The following NACC2 variants were observed in gnomAD, a reference collection of about 807,000 sequenced individuals.
The protein encoded by NACC2 is nucleus accumbens-associated protein 2.
A neutral mutation model predicts 25.1 loss-of-function variants in NACC2; 8 were observed. The ratio of observed to expected loss-of-function variants is 0.32; its 90% CI spans 0.19 to 0.57. The LOEUF (loss-of-function observed/expected upper bound fraction) is 0.57, where lower values mean the gene tolerates loss of function less well. Ranked by LOEUF, NACC2 falls within the 20% of genes least tolerant of loss-of-function variation. The pLI is 0.89. For missense variants in NACC2, 644 were observed against 650.2 expected, an observed-to-expected ratio of 0.99 and a Z score of 0.10; for synonymous variants, 435 against 294.7, an observed-to-expected ratio of 1.48 and a Z score of -4.88.
rs575894057 is a variant in NACC2 at position 136,018,100 on chromosome 9, C to T, written c.887-1671G>A. On this transcript the variant is annotated intron_variant, in intron 2 of 5. Coordinates refer to ENST00000277554, the MANE Select transcript of NACC2 (RefSeq NM_144653.5). The surrounding 1 kb of genome is among the most constrained non-coding windows in gnomAD (Gnocchi z 4.4). ...GGGTGGAACCTGCACGTCCAGCAGG[C>T]TCGGGGCAGGCAGCTCCATGCAGAG... 6.6e-6 allele frequency among the ~76,000 whole-genome samples: 1 copy of T among 152,284 alleles called. No individual in the cohort carries two copies. Among genetic ancestry groups the T allele is most frequent in the Non-Finnish European group, 1.5e-5 (1 of 67,994 alleles).
intron 3 of NACC2, among the ~76,000 whole-genome samples, chr9:136,014,550 A>G (rs1840169691): frequency 6.6e-6 from 1 of 152,108 alleles, no homozygotes; most frequent in Non-Finnish European, 1.5e-5. Flanking sequence ...CGGCCTCCCA[A>G]AGTGCTGGGA....
chr9:136,063,462 C>G (rs966181033), intron 1 of NACC2, among the ~76,000 whole-genome samples: 1 of 152,200 alleles, frequency 6.6e-6, no homozygotes, highest in Non-Finnish European at 1.5e-5. Flanking sequence ...TCCAGATTTA[C>G]GTTTGACCTG....
Position 136,055,547 on chromosome 9 carries a change from A to G in NACC2, c.-59-4967T>C, listed in dbSNP as rs1290132353. The stretch of plus-strand genomic sequence containing the variant: ...CAGAAACCCTGCCCCCTCCACCCCT[A>G]GATTGTAAAGCACTTTCTAAGCCCA... On this transcript the variant is annotated intron_variant, in intron 1 of 5. Coordinates refer to ENST00000277554, the MANE Select transcript of NACC2 (RefSeq NM_144653.5). This position sits in a 1 kb window ranked among gnomAD's most constrained non-coding sequence, Gnocchi z 4.9. Among the ~76,000 whole-genome samples the G allele has an allele frequency of 3.3e-5, 5 of 152,176 alleles. No homozygotes were observed. In the East Asian group the frequency reaches 9.6e-4, roughly 29 times the overall value.
At chr9:136,033,896 T>TA (rs1840512311) in intron 2 of NACC2, among the ~76,000 whole-genome samples, 3 of 19,308 alleles carry the variant, frequency 1.6e-4, no homozygotes, top group Non-Finnish European at 2.5e-4. Context: ...TTCCAGCAGG[T>TA]GTGTGTGTGT....
intron 2 of NACC2, among the ~76,000 whole-genome samples, 154 bp downstream of exon 2, chr9:136,049,482 T>C (rs1259820082): frequency 6.6e-5 from 10 of 152,134 alleles, no homozygotes; most frequent in East Asian, 3.9e-4. Flanking sequence ...CTGAACCCCA[T>C]GGTGAACAGA....
In NACC2 at chr9:136,049,649, G is replaced by A. The variant is rs1051314989; in HGVS notation, c.873C>T (p.Ser291=). ...EQYGQMYIKA[S]GSYAVQEKPE... ...CCGCCGCGTTACCTGCATAGCTGCC[G>A]GAGGCCTTGATGTACATCTGGCCGT... The change falls in exon 2 of 6, where the codon TCC becomes TCT. Residue 291 remains serine, a synonymous_variant. Transcript: ENST00000277554. 32 of 777,130 alleles carry A rather than the reference G, an allele frequency of 4.1e-5. No individual in the cohort carries two copies. Among genetic ancestry groups the A allele is most frequent in the African/African-American group, 3.4e-4 (20 of 58,800 alleles). The allele number at this position is 777,130 out of a possible 1,614,324, so 48.1% of individuals were successfully genotyped here. A position where few individuals can be genotyped will look rare whatever the true frequency, so the allele number is the denominator to read the frequency against.
In NACC2 at chr9:136,011,603, A is replaced by G. The variant is rs1200978698; in HGVS notation, c.1677T>C (p.Phe559=). 2 of 1,429,054 alleles carry G rather than the reference A, an allele frequency of 1.4e-6. No individual in the cohort carries two copies. Among genetic ancestry groups the G allele is most frequent in the Non-Finnish European group, 1.8e-6 (2 of 1,099,350 alleles). The allele number at this position is 1,429,054 out of a possible 1,614,324, so 88.5% of individuals were successfully genotyped here. A position where few individuals can be genotyped will look rare whatever the true frequency, so the allele number is the denominator to read the frequency against. Residue 559 remains phenylalanine, a synonymous_variant, in exon 6 of 6, where the codon TTT becomes TTC. Coordinates refer to ENST00000277554, the MANE Select transcript of NACC2 (RefSeq NM_144653.5). ...PADGQSPPQP[F]EQGGGGPSRP... ...TGCTGGGGCCGCCCCCGCCCTGCTCAAAGGGCTGTGGGGGGCTCTGGCCAT... is the reference window on the plus strand; with the variant it reads ...TGCTGGGGCCGCCCCCGCCCTGCTCGAAGGGCTGTGGGGGGCTCTGGCCAT...
Position 136,018,140 on chromosome 9 carries a change from C to T in NACC2, c.887-1711G>A, listed in dbSNP as rs1840230665. On this transcript the variant is annotated intron_variant, in intron 2 of 5. Coordinates refer to ENST00000277554, the MANE Select transcript of NACC2 (RefSeq NM_144653.5). The surrounding 1 kb of genome is among the most constrained non-coding windows in gnomAD (Gnocchi z 4.4). ...TCCATGCAGAGCCCACCTGCGGCCG[C>T]ACCGCACCAGGACGCTCAGAGGCAG... Among the ~76,000 whole-genome samples, 1 of 152,142 alleles carries T rather than the reference C, an allele frequency of 6.6e-6. No individual in the cohort carries two copies. The highest frequency in any genetic ancestry group is 1.5e-5 in the Non-Finnish European group (1 of 67,992).
chr9:136,089,985 CA>C (rs11442793), intron 1 of NACC2, among the ~76,000 whole-genome samples: 2,659 of 139,224 alleles, frequency 0.019, 25 homozygotes, highest in Non-Finnish European at 0.028. Context: ...GATTTATATC[CA>C]AAAAAAAAAA....
chr9:136,078,645 C>T (rs897022405), intron 1 of NACC2, among the ~76,000 whole-genome samples: 3 of 152,198 alleles, frequency 2.0e-5, no homozygotes, highest in Admixed American at 6.5e-5. Context: ...AGCCCAGCCC[C>T]GACATCGGGA....
chr9:136,069,870 A>T (rs972832232), intron 1 of NACC2, among the ~76,000 whole-genome samples: 1 of 151,902 alleles, frequency 6.6e-6, no homozygotes, highest in African/African-American at 2.4e-5. Context: ...TCTAGTAGAG[A>T]CTTCAACAGC....
At chr9:136,012,881 A>G (rs909676409) in intron 5 of NACC2, among the ~76,000 whole-genome samples, 1 of 152,242 alleles carries the variant, frequency 6.6e-6, no homozygotes, top group Admixed American at 6.5e-5. Context: ...AACAGATGGC[A>G]AAGGCTCAAA....
chr9:136,016,550 C>G (rs1840206597), intron 2 of NACC2, 121 bp from the exon 3 acceptor site: 1 of 1,140,894 alleles, frequency 8.8e-7, no homozygotes, highest in Non-Finnish European at 1.2e-6. Context: ...CCACCTGGGC[C>G]CAGGTGAGGC....
chr9:136,087,473 G>C (rs1374278382), intron 1 of NACC2, among the ~76,000 whole-genome samples: 2 of 152,204 alleles, frequency 1.3e-5, no homozygotes, highest in African/African-American at 2.4e-5. Flanking sequence ...AGCGGCATTC[G>C]CAGGGGTCGG....
intron 2 of NACC2, 118 bp downstream of exon 2, chr9:136,049,518 T>TG (rs1320268255): frequency 3.3e-5 from 20 of 614,466 alleles, no homozygotes; most frequent in East Asian, 2.2e-4. Context: ...CCAGGCTTGG[T>TG]GGGGGGCTCC....
In NACC2 at chr9:136,049,985, C is replaced by T. The variant is rs2131162217; in HGVS notation, c.537G>A (p.Glu179=). The T allele has an allele frequency of 3.1e-6, 2 of 655,406 alleles. No homozygotes were observed. Among genetic ancestry groups the T allele is most frequent in the South Asian group, 3.5e-5 (2 of 57,522 alleles). 40.6% of individuals were successfully genotyped at this position (655,406 alleles called of 1,614,324 possible). A position where few individuals can be genotyped will look rare whatever the true frequency, so the allele number is the denominator to read the frequency against. The change falls in exon 2 of 6, where the codon GAG becomes GAA. Residue 179 remains glutamate (E), a synonymous_variant. Transcript: ENST00000277554. ...CCAGGCCTGGGCCGGCCGGCGGCAG[C>T]TCCATGGCTTCATGCTTTACTCGGG... ...LLTRVKHEAM[E]LPPAGPGLAP...
chr9:136,017,883 C>A (rs1042659192), intron 2 of NACC2, among the ~76,000 whole-genome samples: 7 of 152,234 alleles, frequency 4.6e-5, no homozygotes, highest in Non-Finnish European at 1.0e-4. Context: ...CAAGGCCCAG[C>A]CTCCACCTGC....
chr9:136,058,839 A>G (rs1840967925), intron 1 of NACC2, among the ~76,000 whole-genome samples: 1 of 152,240 alleles, frequency 6.6e-6, no homozygotes, highest in South Asian at 2.1e-4. Context: ...GGATTGGACA[A>G]AAGTCCTTGG....
Position 136,020,996 on chromosome 9 carries a change from AG to A in NACC2, c.887-4568del, listed in dbSNP as rs1428409326. Reference sequence around the variant, plus strand: ...TTAGGTTAAGCTAAAGTCTTAGACAAGGCCCCCAAAGCACGATCCACAATGG... The same window carrying A: ...TTAGGTTAAGCTAAAGTCTTAGACAAGCCCCCAAAGCACGATCCACAATGG... On this transcript the variant is annotated intron_variant, in intron 2 of 5. Coordinates refer to ENST00000277554, the MANE Select transcript of NACC2 (RefSeq NM_144653.5). This position sits in a 1 kb window ranked among gnomAD's most constrained non-coding sequence, Gnocchi z 4.7. Among the ~76,000 whole-genome samples, 1 of 152,150 alleles carries A rather than the reference AG, an allele frequency of 6.6e-6. No individual in the cohort carries two copies. The highest frequency in any genetic ancestry group is 1.5e-5 in the Non-Finnish European group (1 of 68,022).
Sources: allele counts gnomAD v4.1 joint callset (sites outside exome capture counted in the v4.1 genomes callset), GRCh38; gene constraint gnomAD v4.1.1; non-coding constraint Gnocchi (gnomAD v3.1); transcripts MANE v1.5; gene names NCBI Gene and HGNC (gene_info 2026-07-23, HGNC 2026-07-21).